The following SCFD2 variants were observed in gnomAD, a reference collection of about 807,000 sequenced individuals.
SCFD2 encodes the protein sec1 family domain-containing protein 2.
Under a neutral mutation model 58.9 loss-of-function variants are expected in SCFD2, and 54 were observed. The observed-to-expected ratio is 0.92, with a 90% confidence interval of 0.74 to 1.15. The LOEUF is 1.15. SCFD2 is among the 50% of genes most tolerant of loss of function. The pLI, the probability that SCFD2 is intolerant of heterozygous loss-of-function variation, is 0.00. For missense variants in SCFD2, 805 were observed against 836.6 expected (o/e 0.96, Z 0.47); for synonymous variants, 321 against 335.9 (o/e 0.96, Z 0.49).
At chr4:53,315,372 T>C (rs1424116897) in intron 2 of SCFD2, among the ~76,000 whole-genome samples, 1 of 151,916 alleles carries the variant, frequency 6.6e-6, no homozygotes, top group Non-Finnish European at 1.5e-5. Context: ...TTCTGTTGCA[T>C]GCCAAGGTGC....
chr4:53,070,183 G>C (rs985439127), intron 5 of SCFD2, among the ~76,000 whole-genome samples: 2 of 152,032 alleles, frequency 1.3e-5, no homozygotes, highest in African/African-American at 2.4e-5. Context: ...CCACTAAAAT[G>C]TCTAAAAACA....
rs567471608 is a variant in SCFD2, at chr4:52,880,510, G to A, written c.1962+5237C>T. ...TGGGCGCCTGTAATCCTAGCTACTC[G>A]GGAGGCTGAGGAAGGAGAATCACTT... On this transcript the variant is annotated intron_variant, in intron 8 of 8. Coordinates refer to ENST00000401642, the MANE Select transcript of SCFD2 (RefSeq NM_152540.4). 4.6e-5 allele frequency among the ~76,000 whole-genome samples: 7 copies of A among 151,540 alleles called. No homozygotes were observed. The South Asian group carries it at 8.4e-4, about 18-fold the overall frequency.
intron 3 of SCFD2, among the ~76,000 whole-genome samples, chr4:53,302,680 A>G (rs1442113438): frequency 6.6e-6 from 1 of 152,216 alleles, no homozygotes; most frequent in Non-Finnish European, 1.5e-5. Flanking sequence ...TAGAGGCATC[A>G]AGCTACCTGA....
chr4:53,139,353 C>A (rs1307368036), intron 5 of SCFD2, among the ~76,000 whole-genome samples: 1 of 151,096 alleles, frequency 6.6e-6, no homozygotes, highest in Non-Finnish European at 1.5e-5. Flanking sequence ...ATGTGAGGAG[C>A]CCCTCTGCCC....
At chr4:53,092,612 T>G (rs1169304254) in intron 5 of SCFD2, among the ~76,000 whole-genome samples, 1 of 151,988 alleles carries the variant, frequency 6.6e-6, no homozygotes, top group Non-Finnish European at 1.5e-5. Flanking sequence ...TACTCAACAA[T>G]ATAAAGGAAC....
intron 3 of SCFD2, among the ~76,000 whole-genome samples, chr4:53,277,446 T>G (rs1577923773): frequency 1.3e-5 from 2 of 152,122 alleles, no homozygotes; most frequent in Non-Finnish European, 2.9e-5. Context: ...AGACAAACAT[T>G]CATTTAATGA....
intron 3 of SCFD2, among the ~76,000 whole-genome samples, chr4:53,276,713 G>A (rs1560424865): frequency 6.6e-6 from 1 of 152,116 alleles, no homozygotes; most frequent in South Asian, 2.1e-4. Context: ...AGAACATGCA[G>A]TATTTAGTTT....
intron 5 of SCFD2, among the ~76,000 whole-genome samples, chr4:52,947,559 T>TATTG (rs1720464464): frequency 6.6e-6 from 1 of 152,048 alleles, no homozygotes; most frequent in South Asian, 2.1e-4. Context: ...GACAGGGTGG[T>TATTG]ATTGGCACAG....
chr4:53,239,211 G>C (rs1389645520), intron 4 of SCFD2, among the ~76,000 whole-genome samples: 1 of 144,114 alleles, frequency 6.9e-6, no homozygotes, highest in Non-Finnish European at 1.5e-5. Context: ...CCAGTCAGGC[G>C]TGGCGGCGCG....
chr4:53,330,720 G>A (rs1733422869), intron 2 of SCFD2, among the ~76,000 whole-genome samples: 1 of 151,838 alleles, frequency 6.6e-6, no homozygotes. Context: ...ACATCATAAT[G>A]ACAGGATCAA....
At chr4:53,310,655 C>A (rs373641585) in intron 3 of SCFD2, among the ~76,000 whole-genome samples, 1 of 152,186 alleles carries the variant, frequency 6.6e-6, no homozygotes, top group Non-Finnish European at 1.5e-5. Context: ...TAATAACAAG[C>A]TCTCAGAAGG....
intron 5 of SCFD2, among the ~76,000 whole-genome samples, chr4:53,068,809 A>T (rs1285290874): frequency 6.6e-6 from 1 of 152,038 alleles, no homozygotes; most frequent in Non-Finnish European, 1.5e-5. Flanking sequence ...ATTCTTTTAC[A>T]TATATTTAAA....
At chr4:53,189,169 T>C (rs1443555413) in intron 4 of SCFD2, among the ~76,000 whole-genome samples, 1 of 152,242 alleles carries the variant, frequency 6.6e-6, no homozygotes, top group Non-Finnish European at 1.5e-5. Context: ...ATGTAAGCTA[T>C]TGCTGTTGGG....
chr4:53,137,873 A>G (rs905519258), intron 5 of SCFD2, among the ~76,000 whole-genome samples: 1 of 152,184 alleles, frequency 6.6e-6, no homozygotes, highest in Admixed American at 6.5e-5. Context: ...AATATACCCT[A>G]AAGCATTGGT....
intron 5 of SCFD2, among the ~76,000 whole-genome samples, chr4:52,927,301 G>A (rs1488134448): frequency 7.0e-6 from 1 of 142,802 alleles, no homozygotes; most frequent in Non-Finnish European, 1.5e-5. Flanking sequence ...GACAGACTAA[G>A]GTAATTTTTT....
intron 2 of SCFD2, 150 bp from the exon 3 acceptor site, chr4:53,313,913 T>C: frequency 1.6e-6 from 1 of 619,120 alleles, no homozygotes; most frequent in Non-Finnish European, 2.7e-6. Flanking sequence ...AAATAAAGAA[T>C]GTCTAATTCA....
At chr4:53,108,439 TTAAAAGA>T (rs1725068915) in intron 5 of SCFD2, among the ~76,000 whole-genome samples, 1 of 151,906 alleles carries the variant, frequency 6.6e-6, no homozygotes, top group African/African-American at 2.4e-5. Context: ...GGTGCTTTTT[TTAAAAGA>T]TTAACAAAAT....
At chr4:52,961,456 C>A (rs2930043) in intron 5 of SCFD2, among the ~76,000 whole-genome samples, 81,670 of 152,000 alleles carry the variant, frequency 0.54, 22,134 homozygotes, top group South Asian at 0.65. Flanking sequence ...TATTTCATAT[C>A]AGCTGTTTAT....
At chr4:53,095,082 C>T (rs1162699562) in intron 5 of SCFD2, among the ~76,000 whole-genome samples, 1 of 152,060 alleles carries the variant, frequency 6.6e-6, no homozygotes, top group Non-Finnish European at 1.5e-5. Context: ...TTCTTCTTCC[C>T]CTCTATTGAA....
Sources: gnomAD v4.1 joint callset for allele counts (sites outside exome capture counted in the v4.1 genomes callset) on GRCh38, gnomAD v4.1.1 for gene constraint, MANE v1.5 for transcripts, NCBI Gene and HGNC (gene_info 2026-07-23, HGNC 2026-07-21) for gene names.